The following EIF3L variants were observed in gnomAD, a reference collection of about 807,000 sequenced individuals.
EIF3L encodes eIEF associated protein HSPC021.
A neutral mutation model predicts 74.6 loss-of-function variants in EIF3L; 32 were observed. The observed-to-expected ratio is 0.43, with a 90% CI of 0.32 to 0.58. The LOEUF (loss-of-function observed/expected upper bound fraction) is 0.58. EIF3L is among the 20% of genes least tolerant of loss of function. The pLI is 0.06. For synonymous variants in EIF3L, 256 were observed against 254.4 expected (o/e 1.01, Z -0.06); for missense variants, 474 against 707.8 (o/e 0.67, Z 3.75).
intron 10 of EIF3L, 79 bp from the exon 11 acceptor site, chr22:37,877,595 A>G (rs1463663019): frequency 6.7e-7 from 1 of 1,491,098 alleles, no homozygotes; most frequent in Non-Finnish European, 9.0e-7. Context: ...TGTGCAGAGA[A>G]TGGTGAGGCC....
intron 1 of EIF3L, 76 bp downstream of exon 1, chr22:37,849,558 G>C: frequency 6.7e-7 from 1 of 1,490,762 alleles, no homozygotes; most frequent in Non-Finnish European, 9.0e-7. Context: ...GTCCCGGCGC[G>C]AGGCAGCTTC....
chr22:37,861,293 T>G (rs751914443), intron 5 of EIF3L, among the ~76,000 whole-genome samples: 2 of 152,108 alleles, frequency 1.3e-5, no homozygotes, highest in African/African-American at 2.4e-5. Flanking sequence ...CAGGAGCCAC[T>G]GTCAGTAGTG....
chr22:37,851,381 A>G lies in EIF3L; in HGVS notation c.184A>G (p.Thr62Ala), dbSNP rs760908440. ...AAACTTCATCCAGTATTTCCACAAA[A>G]CTGTCTCAGATTTGATTGACCAGAA... The part of the protein sequence containing the change: ...IKNFIQYFHK[T>A]VSDLIDQKVY... The change falls in exon 3 of 13, where the codon ACT (threonine) becomes GCT (alanine). Residue 62 changes from threonine to alanine, a missense_variant. By Grantham distance (58) the Thr-to-Ala change is moderately conservative. Coordinates refer to ENST00000652021, the MANE Select transcript of EIF3L (RefSeq NM_016091.4). The G allele has an allele frequency of 6.2e-7, 1 of 1,614,102 alleles. No homozygotes were observed. Among genetic ancestry groups the G allele is most frequent in the South Asian group, 1.1e-5 (1 of 91,076 alleles).
chr22:37,883,336 C>T (rs1351555443), intron 11 of EIF3L: 1 of 148,612 alleles, frequency 6.7e-6, no homozygotes, highest in Non-Finnish European at 1.5e-5. Flanking sequence ...GATCCCAGCA[C>T]TTTGGGAGGC....
intron 7 of EIF3L, among the ~76,000 whole-genome samples, chr22:37,866,475 A>ACT (rs1438365318): frequency 8.5e-5 from 13 of 152,182 alleles, no homozygotes; most frequent in Admixed American, 4.6e-4. Flanking sequence ...AAATCAGCTT[A>ACT]CTGAGGTATA....
intron 7 of EIF3L, 60 bp downstream of exon 7, chr22:37,863,405 C>A (rs937945532): frequency 1.2e-5 from 16 of 1,385,080 alleles, no homozygotes; most frequent in Non-Finnish European, 1.5e-5. Flanking sequence ...ATAGCTGTTA[C>A]TATTGTTTGT....
intron 5 of EIF3L, 65 bp downstream of exon 5, chr22:37,858,805 C>A: frequency 7.2e-7 from 1 of 1,379,556 alleles, no homozygotes; most frequent in South Asian, 1.3e-5. Flanking sequence ...CTGTTTTTGT[C>A]CCTAGAACAC....
chr22:37,852,715 G>A (rs995695335), intron 3 of EIF3L, among the ~76,000 whole-genome samples: 1 of 152,066 alleles, frequency 6.6e-6, no homozygotes, highest in Non-Finnish European at 1.5e-5. Flanking sequence ...TGCCACTCTC[G>A]TGAGCCTAAG....
At position 37,861,566 on chromosome 22, in the gene EIF3L, C is replaced by T. The variant is rs371002238; in HGVS notation, c.436-1403C>T. Among the ~76,000 whole-genome samples the T allele has an allele frequency of 7.2e-5, 11 of 152,170 alleles. No homozygotes were observed. The South Asian group carries it at 1.5e-3, about 20-fold the overall frequency. ...AGGCGTGGTGGCGTGTGCCTGTAAT[C>T]CCAGCTACTCGGGAGGCTGAGACGG... On this transcript the variant is annotated intron_variant, in intron 5 of 12. Transcript: ENST00000652021.
At chr22:37,849,828 G>T in intron 1 of EIF3L, 187 bp from the exon 2 acceptor site, 2 of 651,994 alleles carry the variant, frequency 3.1e-6, no homozygotes, top group Non-Finnish European at 5.4e-6. Flanking sequence ...CATTGCACCC[G>T]TAATGTTGTA....
chr22:37,859,733 G>A (rs1234036342), intron 5 of EIF3L, among the ~76,000 whole-genome samples: 3 of 151,722 alleles, frequency 2.0e-5, no homozygotes, highest in South Asian at 4.2e-4. Context: ...AAGGCTGGGC[G>A]CGGTGGCTCA....
intron 7 of EIF3L, among the ~76,000 whole-genome samples, chr22:37,866,826 C>T (rs934048847): frequency 6.6e-6 from 1 of 152,036 alleles, no homozygotes; most frequent in African/African-American, 2.4e-5. Context: ...AACCACCATG[C>T]CCAGCCATGA....
chr22:37,868,936 C>G (rs1926329408), intron 7 of EIF3L, among the ~76,000 whole-genome samples: 1 of 151,778 alleles, frequency 6.6e-6, no homozygotes, highest in Non-Finnish European at 1.5e-5. Context: ...GCCACCGCAC[C>G]CGGCCTGTTT....
chr22:37,871,266 A>G (rs1926455794), intron 8 of EIF3L: 1 of 152,188 alleles, frequency 6.6e-6, no homozygotes, highest in Non-Finnish European at 1.5e-5. Flanking sequence ...TTGGCCTCCC[A>G]AAAGTGCCAG....
chr22:37,885,854 G>C (rs1322583462), intron 11 of EIF3L: 1 of 151,032 alleles, frequency 6.6e-6, no homozygotes, highest in East Asian at 2.0e-4. Flanking sequence ...TTACAGGCGT[G>C]AGTCACCATG....
At chr22:37,874,851 C>T (rs1401684494) in intron 9 of EIF3L, among the ~76,000 whole-genome samples, 1 of 151,198 alleles carries the variant, frequency 6.6e-6, no homozygotes, top group Non-Finnish European at 1.5e-5. Context: ...GCCTCAGCCT[C>T]CTGAGTAGCT....
intron 11 of EIF3L, 139 bp from the exon 12 acceptor site, chr22:37,886,626 G>GT (rs1927335581): frequency 1.8e-6 from 1 of 566,966 alleles, no homozygotes; most frequent in African/African-American, 1.9e-5. Context: ...AACTGGTGGT[G>GT]TTTTTCCAGT....
intron 4 of EIF3L, 113 bp downstream of exon 4, chr22:37,855,757 G>A: frequency 1.1e-6 from 1 of 884,368 alleles, no homozygotes; most frequent in Non-Finnish European, 1.8e-6. Context: ...TGTTTCCTTG[G>A]TGCTTGGTAT....
At chr22:37,880,152 G>C (rs1201883247) in intron 11 of EIF3L, 1 of 151,244 alleles carries the variant, frequency 6.6e-6, no homozygotes, top group African/African-American at 2.4e-5. Flanking sequence ...TCGCTCTGTC[G>C]CCTAGGCTGG....
Sources: allele counts gnomAD v4.1 joint callset (sites outside exome capture counted in the v4.1 genomes callset), GRCh38; gene constraint gnomAD v4.1.1; transcripts MANE v1.5; gene names NCBI Gene and HGNC (gene_info 2026-07-23, HGNC 2026-07-21).